NTRK2: variants seen among roughly 807,000 people sequenced by gnomAD.
The protein encoded by NTRK2 is neurotrophic receptor tyrosine kinase 2, also known as BDNF/NT-3 growth factors receptor.
NTRK2 carries 13 observed loss-of-function variants against 94.5 expected under a neutral mutation model. The ratio of observed to expected loss-of-function variants is 0.14; its 90% CI spans 0.09 to 0.22. The LOEUF (loss-of-function observed/expected upper bound fraction) is 0.22, where lower values mean the gene tolerates loss of function less well. Among genes scored for constraint, NTRK2 ranks in the 10% least tolerant of loss-of-function variants. NTRK2 has a pLI of 1.00. For synonymous variants in NTRK2, 372 were observed against 407.4 expected, an observed-to-expected ratio of 0.91 and a Z score of 1.05; for missense variants, 639 against 1,071.2, an observed-to-expected ratio of 0.60 and a Z score of 5.63.
chr9:84,767,073 A>G (rs958785251), intron 12 of NTRK2, among the ~76,000 whole-genome samples: 9 of 152,150 alleles, frequency 5.9e-5, no homozygotes, highest in African/African-American at 2.2e-4. Context: ...ACTTTGACTT[A>G]TGTCTTGACT....
chr9:84,807,866 G>A (rs2071301955), intron 12 of NTRK2, among the ~76,000 whole-genome samples: 1 of 152,154 alleles, frequency 6.6e-6, no homozygotes, highest in African/African-American at 2.4e-5. Flanking sequence ...AATATCTTTA[G>A]TCTGTCCACA....
intron 2 of NTRK2, among the ~76,000 whole-genome samples, chr9:84,698,396 T>C (rs2060520470): frequency 6.6e-6 from 1 of 151,952 alleles, no homozygotes; most frequent in South Asian, 2.1e-4. Context: ...TATATATATA[T>C]ATATATCACC....
chr9:84,787,118 T>A (rs934538392), intron 12 of NTRK2, among the ~76,000 whole-genome samples: 2 of 151,876 alleles, frequency 1.3e-5, no homozygotes, highest in African/African-American at 4.8e-5. Context: ...ACCAACATGG[T>A]GAAACCCCGT....
intron 11 of NTRK2, among the ~76,000 whole-genome samples, chr9:84,751,220 A>G (rs537469227): frequency 1.3e-5 from 2 of 152,238 alleles, no homozygotes; most frequent in South Asian, 4.1e-4. Flanking sequence ...ATTATGGACA[A>G]TTTTCAAACA....
chr9:84,841,603 C>T (rs1016254418), intron 12 of NTRK2, among the ~76,000 whole-genome samples: 4 of 152,190 alleles, frequency 2.6e-5, no homozygotes, highest in Non-Finnish European at 5.9e-5. Flanking sequence ...TCCTTCAGGT[C>T]TTTGTTCAAA....
At chr9:84,875,368 A>G (rs2076023936) in intron 14 of NTRK2, 1 of 1,061,194 alleles carries the variant, frequency 9.4e-7, no homozygotes. Flanking sequence ...TAAGTATCAC[A>G]GAGCACATGA....
chr9:84,770,973 G>A (rs934516824), intron 12 of NTRK2, among the ~76,000 whole-genome samples: 2 of 152,138 alleles, frequency 1.3e-5, no homozygotes, highest in Non-Finnish European at 2.9e-5. Context: ...AGGCATTCTG[G>A]CATCAAAGTT....
chr9:84,976,676 G>A (rs1475017696), intron 17 of NTRK2, among the ~76,000 whole-genome samples: 14 of 152,146 alleles, frequency 9.2e-5, no homozygotes. Context: ...ATGAAGGGCA[G>A]GTGCTGGCCA....
At chr9:84,930,334 G>A (rs926418561) in intron 14 of NTRK2, among the ~76,000 whole-genome samples, 20 of 152,178 alleles carry the variant, frequency 1.3e-4, no homozygotes, top group Non-Finnish European at 1.5e-5. Context: ...CCCTGAGAAG[G>A]AAGGCACTGG....
intron 14 of NTRK2, among the ~76,000 whole-genome samples, chr9:84,896,035 C>A (rs770648213): frequency 6.6e-6 from 1 of 152,220 alleles, no homozygotes; most frequent in Non-Finnish European, 1.5e-5. Context: ...TTCTCCCACT[C>A]TGTCATACAT....
At chr9:84,925,054 G>A (rs1268080286) in intron 14 of NTRK2, among the ~76,000 whole-genome samples, 1 of 152,056 alleles carries the variant, frequency 6.6e-6, no homozygotes, top group African/African-American at 2.4e-5. Flanking sequence ...GTGCTATGAG[G>A]GCTTGAGGCC....
chr9:85,026,985 A>C lies in NTRK2; in HGVS notation c.*5548A>C. ...TGTGACCAGCTTCTCTCAACCTGACATGGAAAGTCTCTTGTACTACAGTGT... is the reference window on the plus strand; with the variant it reads ...TGTGACCAGCTTCTCTCAACCTGACCTGGAAAGTCTCTTGTACTACAGTGT... On this transcript the variant is annotated 3_prime_UTR_variant, in exon 19 of 19. Transcript: ENST00000277120. The C allele has an allele frequency of 4.3e-6, 1 of 232,520 alleles. No homozygotes were observed. Among genetic ancestry groups the C allele is most frequent in the Non-Finnish European group, 8.5e-6 (1 of 117,652 alleles). The allele number at this position is 232,520 out of a possible 1,614,324, so 14.4% of individuals were successfully genotyped here.
intron 12 of NTRK2, among the ~76,000 whole-genome samples, chr9:84,843,095 G>A (rs1413566298): frequency 6.6e-6 from 1 of 152,168 alleles, no homozygotes; most frequent in Non-Finnish European, 1.5e-5. Flanking sequence ...AGCATCTACT[G>A]GATGGTATTA....
intron 12 of NTRK2, chr9:84,813,598 C>T (rs978482561): frequency 2.8e-6 from 3 of 1,065,912 alleles, no homozygotes; most frequent in Non-Finnish European, 3.4e-6. Context: ...TACCTTTGCT[C>T]CTCTCCTGTG....
At chr9:84,993,061 T>C (rs1426331556) in intron 17 of NTRK2, among the ~76,000 whole-genome samples, 1 of 152,096 alleles carries the variant, frequency 6.6e-6, no homozygotes, top group Non-Finnish European at 1.5e-5. Flanking sequence ...CTTTAAATGT[T>C]CTTTTCTTGG....
intron 17 of NTRK2, among the ~76,000 whole-genome samples, chr9:84,976,186 C>T (rs1011477874): frequency 2.6e-5 from 4 of 152,078 alleles, no homozygotes; most frequent in African/African-American, 4.8e-5. Flanking sequence ...TTTCTCACAC[C>T]CCTGGAGGCT....
chr9:84,888,827 GCTT>G (rs1438385876), intron 14 of NTRK2, among the ~76,000 whole-genome samples: 1 of 151,444 alleles, frequency 6.6e-6, no homozygotes, highest in African/African-American at 2.4e-5. Context: ...CCAGAGACCT[GCTT>G]CAACCCATAA....
intron 2 of NTRK2, among the ~76,000 whole-genome samples, 181 bp downstream of exon 2, chr9:84,671,141 G>T (rs559600011): frequency 3.9e-5 from 6 of 152,330 alleles, no homozygotes; most frequent in South Asian, 2.1e-4. Context: ...GCTAGTGCAG[G>T]GAGAAGTGTG....
At chr9:84,892,303 G>A (rs2076618399) in intron 14 of NTRK2, among the ~76,000 whole-genome samples, 1 of 152,144 alleles carries the variant, frequency 6.6e-6, no homozygotes, top group African/African-American at 2.4e-5. Flanking sequence ...TGCCCTGATT[G>A]CCTTAGCTCT....
Sources: allele counts gnomAD v4.1 joint callset (sites outside exome capture counted in the v4.1 genomes callset), GRCh38; gene constraint gnomAD v4.1.1; transcripts MANE v1.5; gene names NCBI Gene and HGNC (gene_info 2026-07-23, HGNC 2026-07-21).